The following DPP8 variants were observed in gnomAD, a reference collection of about 807,000 sequenced individuals.
DPP8 encodes the protein dipeptidyl peptidase 8, also known as DPP VIII.
In DPP8, 31 loss-of-function variants were observed where a neutral mutation model predicts 107.5. That is an observed-to-expected ratio of 0.29 (90% CI 0.22 to 0.39). The LOEUF (loss-of-function observed/expected upper bound fraction) is 0.39, where lower values mean the gene tolerates loss of function less well. DPP8 is among the 10% of genes least tolerant of loss of function. DPP8 has a pLI of 1.00. For missense variants in DPP8, 842 were observed against 1,076.1 expected, an observed-to-expected ratio of 0.78 and a Z score of 3.04; for synonymous variants, 381 against 356.6, an observed-to-expected ratio of 1.07 and a Z score of -0.77.
At chr15:65,449,368 A>G (rs574897194) in intron 19 of DPP8, among the ~76,000 whole-genome samples, 65 of 151,372 alleles carry the variant, frequency 4.3e-4, no homozygotes, top group Non-Finnish European at 8.1e-4. Flanking sequence ...GTACAGTATC[A>G]AAGAATAGTA....
chr15:65,500,751 C>T lies in DPP8; in HGVS notation c.401G>A (p.Arg134Gln), dbSNP rs1176247731. 6.2e-7 allele frequency: 1 copy of T among 1,613,886 alleles called. No homozygotes were observed. The highest frequency in any genetic ancestry group is 1.3e-5 in the African/African-American group (1 of 75,010). ...QATLDYGMYS[R>Q]EEELLRERKR... is the part of the protein sequence containing the mutation. ...TCTTTCTCTTAATAGTTCTTCTTCT[C>T]GAGAATACATTCCATAGTCCAGTGT... The change falls in exon 4 of 20, where the codon CGA becomes CAA. Residue 134 changes from arginine (R) to glutamine (Q), a missense_variant. This residue lies in a region of DPP8 where 663 missense variants were observed against 758.0 expected (regional missense o/e 0.87). Transcript: ENST00000300141.
At chr15:65,501,939 G>A (rs775489992) in intron 3 of DPP8, among the ~76,000 whole-genome samples, 1 of 152,154 alleles carries the variant, frequency 6.6e-6, no homozygotes, top group Non-Finnish European at 1.5e-5. Context: ...GCCCAGGCTG[G>A]AGTGCCGTGG....
At chr15:65,490,615 T>C (rs760000630) in intron 5 of DPP8, among the ~76,000 whole-genome samples, 1 of 152,170 alleles carries the variant, frequency 6.6e-6, no homozygotes, top group Non-Finnish European at 1.5e-5. Flanking sequence ...AATGTTATTA[T>C]TTTCCCAATT....
At position 65,452,121 on chromosome 15, in the gene DPP8, A is replaced by G. The variant is rs774618171; in HGVS notation, c.2272-19T>C. On this transcript the variant is annotated intron_variant, in intron 17 of 19. Coordinates refer to ENST00000300141, the MANE Select transcript of DPP8 (RefSeq NM_130434.5). ...TAGCAACCTGCATAAGATGACATTGACAGTCAAGTGTGGTCTGGAAAAAGA... is the reference window on the plus strand; with the variant it reads ...TAGCAACCTGCATAAGATGACATTGGCAGTCAAGTGTGGTCTGGAAAAAGA... 29 of 1,596,410 alleles carry G rather than the reference A, an allele frequency of 1.8e-5. No individual in the cohort carries two copies. Among genetic ancestry groups the G allele is most frequent in the Non-Finnish European group, 2.3e-5 (27 of 1,174,006 alleles).
chr15:65,516,941 T>A (rs2071516518), intron 1 of DPP8: 2 of 152,508 alleles, frequency 1.3e-5, no homozygotes, highest in Admixed American at 1.3e-4. Flanking sequence ...AGAAGACAGG[T>A]GTGGCAGGAA....
In DPP8 at chr15:65,488,984, C is replaced by T. The variant is rs117669215; in HGVS notation, c.827-1166G>A. On this transcript the variant is annotated intron_variant, in intron 6 of 19. Coordinates refer to ENST00000300141, the MANE Select transcript of DPP8 (RefSeq NM_130434.5). Reference sequence around the variant, plus strand: ...GTTTTTTGTTTGTTTGTTTTCGAGACGGAGTCTCGCTCTGTTGCCAGGCTG... The same window carrying T: ...GTTTTTTGTTTGTTTGTTTTCGAGATGGAGTCTCGCTCTGTTGCCAGGCTG... 8.8e-3 allele frequency among the ~76,000 whole-genome samples: 1,336 copies of T among 152,218 alleles called. 7 individuals carry two copies. The highest frequency in any genetic ancestry group is 0.015 in the Non-Finnish European group (1,031 of 68,016).
At chr15:65,496,989 A>G (rs1383813290) in intron 5 of DPP8, among the ~76,000 whole-genome samples, 1 of 152,128 alleles carries the variant, frequency 6.6e-6, no homozygotes, top group Non-Finnish European at 1.5e-5. Context: ...TCCCAGGTTC[A>G]AGCAATTCTC....
chr15:65,455,806 C>T, intron 16 of DPP8: 1 of 1,290,282 alleles, frequency 7.8e-7, no homozygotes, highest in Non-Finnish European at 1.0e-6. Context: ...GCAGAAAGGA[C>T]ATGGGGCATC....
chr15:65,460,867 TA>T (rs1451951651), intron 15 of DPP8, among the ~76,000 whole-genome samples: 1 of 152,232 alleles, frequency 6.6e-6, no homozygotes, highest in Non-Finnish European at 1.5e-5. Context: ...CTGGCTCATA[TA>T]GTAATTCTAT....
intron 1 of DPP8, among the ~76,000 whole-genome samples, chr15:65,514,229 AAC>A (rs1478810003): frequency 6.6e-6 from 1 of 152,210 alleles, no homozygotes; most frequent in East Asian, 1.9e-4. Context: ...TTTTCAATAT[AAC>A]AGTAACAAAG....
intron 5 of DPP8, among the ~76,000 whole-genome samples, chr15:65,496,882 T>C (rs1392509647): frequency 1.3e-5 from 2 of 151,288 alleles, no homozygotes; most frequent in African/African-American, 4.9e-5. Flanking sequence ...TCTACCCGCC[T>C]CAGTCTCAAG....
At chr15:65,510,951 T>G (rs2070697928) in intron 2 of DPP8, among the ~76,000 whole-genome samples, 1 of 152,190 alleles carries the variant, frequency 6.6e-6, no homozygotes, top group African/African-American at 2.4e-5. Context: ...GATCAAAAAG[T>G]TTAATTACTC....
intron 3 of DPP8, among the ~76,000 whole-genome samples, chr15:65,501,835 C>A (rs1402028019): frequency 6.6e-6 from 1 of 152,184 alleles, no homozygotes; most frequent in Non-Finnish European, 1.5e-5. Context: ...TACCCCAAAA[C>A]CTTGCTTGAA....
intron 12 of DPP8, among the ~76,000 whole-genome samples, chr15:65,470,385 C>A (rs1206064954): frequency 6.7e-6 from 1 of 150,096 alleles, no homozygotes; most frequent in African/African-American, 2.5e-5. Context: ...GTGGGCAGAT[C>A]ACGTGAGGTC....
At chr15:65,447,701 G>C (rs2063575093) in intron 19 of DPP8, among the ~76,000 whole-genome samples, 1 of 152,092 alleles carries the variant, frequency 6.6e-6, no homozygotes, top group Admixed American at 6.6e-5. Flanking sequence ...TGACAACTAT[G>C]GTTATTTAGG....
intron 19 of DPP8, among the ~76,000 whole-genome samples, chr15:65,447,919 A>T (rs765309856): frequency 2.6e-5 from 4 of 152,234 alleles, no homozygotes; most frequent in Non-Finnish European, 5.9e-5. Flanking sequence ...ATGTGATTTT[A>T]AAAATATTGT....
intron 1 of DPP8, among the ~76,000 whole-genome samples, chr15:65,513,596 A>G (rs1356533309): frequency 6.6e-6 from 1 of 152,246 alleles, no homozygotes. Context: ...GGAAAAAAAG[A>G]TACTATCTTA....
chr15:65,480,386 G>A lies in DPP8; in HGVS notation c.1132C>T (p.Leu378=). 2 of 1,610,034 alleles carry A rather than the reference G, an allele frequency of 1.2e-6. No homozygotes were observed. The highest frequency in any genetic ancestry group is 2.2e-5 in the East Asian group (1 of 44,846). Residue 378 remains leucine (L), a synonymous_variant, in exon 10 of 20, where the codon CTA becomes TTA. Transcript: ENST00000300141. ...AGGCGAGTCTGGGAGCGATCTAGTAGGATGGACCAAGCACTATTTAAATAA... is the reference window on the plus strand; with the variant it reads ...AGGCGAGTCTGGGAGCGATCTAGTAAGATGGACCAAGCACTATTTAAATAA... The part of the protein sequence containing the change: ...TPEGKYAWSI[L]LDRSQTRLQI...
At chr15:65,487,447 C>T (rs1256361074) in intron 7 of DPP8, among the ~76,000 whole-genome samples, 2 of 152,158 alleles carry the variant, frequency 1.3e-5, no homozygotes, top group Non-Finnish European at 2.9e-5. Context: ...CCACGCCCGG[C>T]GCAAAGATAC....
Sources: gnomAD v4.1 joint callset for allele counts (sites outside exome capture counted in the v4.1 genomes callset) on GRCh38, gnomAD v4.1.1 for gene constraint, gnomAD v4.1.1 regional missense constraint, MANE v1.5 for transcripts, NCBI Gene and HGNC (gene_info 2026-07-23, HGNC 2026-07-21) for gene names.